Variants in CTNNA3 observed in about 807,000 individuals in gnomAD.
CTNNA3 encodes the protein catenin alpha 3, also known as catenin alpha-3.
CTNNA3 carries 76 observed loss-of-function variants against 95.7 expected under a neutral mutation model. The observed-to-expected ratio is 0.79, with a 90% CI of 0.66 to 0.96. CTNNA3 has a LOEUF of 0.96. Ranked by LOEUF, CTNNA3 falls within the 40% of genes least tolerant of loss-of-function variation. The pLI is 0.00. For missense variants in CTNNA3, 1,191 were observed against 1,089.8 expected (o/e 1.09, Z -1.31); for synonymous variants, 431 against 374.4 (o/e 1.15, Z -1.74).
chr10:67,187,706 C>A (rs1862921655), intron 6 of CTNNA3, among the ~76,000 whole-genome samples: 1 of 152,078 alleles, frequency 6.6e-6, no homozygotes, highest in Non-Finnish European at 1.5e-5. Flanking sequence ...CCAACTCAGC[C>A]TCCGCAGTAA....
intron 13 of CTNNA3, among the ~76,000 whole-genome samples, chr10:66,186,697 TTG>T (rs1342868268): frequency 7.6e-4 from 115 of 152,282 alleles, no homozygotes; most frequent in South Asian, 5.6e-3. Flanking sequence ...TTCAGGACAT[TTG>T]TTATTAACTA....
At chr10:67,592,346 C>T (rs1322536642) in intron 3 of CTNNA3, among the ~76,000 whole-genome samples, 1 of 152,090 alleles carries the variant, frequency 6.6e-6, no homozygotes, top group Non-Finnish European at 1.5e-5. Context: ...ATAGCTGTAA[C>T]ATTCCTCCTC....
intron 13 of CTNNA3, among the ~76,000 whole-genome samples, chr10:66,210,518 G>T (rs1035609102): frequency 8.6e-5 from 13 of 152,010 alleles, no homozygotes; most frequent in African/African-American, 2.4e-4. Context: ...TTATAGCAAG[G>T]CTTATTTCAT....
chr10:67,206,346 C>T (rs1863901140), intron 6 of CTNNA3, among the ~76,000 whole-genome samples: 1 of 152,060 alleles, frequency 6.6e-6, no homozygotes, highest in African/African-American at 2.4e-5. Flanking sequence ...ATATCACATT[C>T]TGGTTTAATG....
chr10:67,322,685 C>T (rs1841376515), intron 5 of CTNNA3, among the ~76,000 whole-genome samples: 1 of 152,190 alleles, frequency 6.6e-6, no homozygotes, highest in Non-Finnish European at 1.5e-5. Context: ...AATTAGCACA[C>T]AAGTGCATGC....
chr10:66,500,272 A>AAT lies in CTNNA3; in HGVS notation c.1531+20343_1531+20344dup, dbSNP rs751344616. ...TATTTAGTGAAATAGTGATAGTATA[A>AAT]ATATATATCATGCTTTAATAAAGTA... On this transcript the variant is annotated intron_variant, in intron 11 of 17. Transcript: ENST00000433211. Among the ~76,000 whole-genome samples the AAT allele has an allele frequency of 1.6e-4, 24 of 152,266 alleles. No homozygotes were observed. In the East Asian group the frequency reaches 4.2e-3, roughly 27 times the overall value.
intron 6 of CTNNA3, among the ~76,000 whole-genome samples, chr10:67,217,897 G>C (rs1452233139): frequency 6.7e-6 from 1 of 149,508 alleles, no homozygotes; most frequent in Non-Finnish European, 1.5e-5. Context: ...GATGGCACTA[G>C]GGAAAAATTC....
chr10:67,662,964 A>T (rs1245756075), intron 1 of CTNNA3, among the ~76,000 whole-genome samples: 1 of 152,206 alleles, frequency 6.6e-6, no homozygotes, highest in Non-Finnish European at 1.5e-5. Flanking sequence ...ATATAATTAC[A>T]AGTTTCCACT....
At chr10:66,457,023 C>T (rs538067963) in intron 11 of CTNNA3, among the ~76,000 whole-genome samples, 70 of 151,828 alleles carry the variant, frequency 4.6e-4, no homozygotes, top group African/African-American at 1.6e-3. Context: ...GAGCCCAAGA[C>T]GTCGTGTCTG....
intron 9 of CTNNA3, among the ~76,000 whole-genome samples, chr10:66,652,344 G>C (rs892678560): frequency 6.6e-6 from 1 of 151,982 alleles, no homozygotes; most frequent in Non-Finnish European, 1.5e-5. Context: ...ATGCAAAAGA[G>C]TATAAGACAC....
At chr10:66,089,565 G>A (rs1487947301) in intron 14 of CTNNA3, among the ~76,000 whole-genome samples, 1 of 151,250 alleles carries the variant, frequency 6.6e-6, no homozygotes, top group Non-Finnish European at 1.5e-5. Context: ...TTAATTCACT[G>A]CACAATATGA....
At chr10:65,967,958 A>G (rs2078011006) in intron 16 of CTNNA3, among the ~76,000 whole-genome samples, 1 of 152,224 alleles carries the variant, frequency 6.6e-6, no homozygotes, top group Non-Finnish European at 1.5e-5. Flanking sequence ...CTAAATAAGA[A>G]TGAATATCAA....
rs1841230796 is a variant in CTNNA3 at position 67,726,689 on chromosome 10, G to GATA, written c.-2+36744_-2+36745insTAT. Among the ~76,000 whole-genome samples, 13 of 1,164 alleles carry GATA rather than the reference G, an allele frequency of 0.011. No individual in the cohort carries two copies. In the South Asian group the frequency reaches 0.15, roughly 13 times the overall value. 0.8% of individuals were successfully genotyped at this position (1,164 alleles called of 152,430 possible). A position where few individuals can be genotyped will look rare whatever the true frequency, so the allele number is the denominator to read the frequency against. The stretch of plus-strand genomic sequence containing the variant: ...TTATATTAATTATATAATATATGAT[G>GATA]TATTATATATAATATATATCATATA... On this transcript the variant is annotated intron_variant, in intron 1 of 17. Coordinates refer to the CTNNA3 transcript ENST00000684154.
intron 5 of CTNNA3, among the ~76,000 whole-genome samples, chr10:67,327,288 A>G (rs987682164): frequency 2.6e-5 from 4 of 152,190 alleles, no homozygotes; most frequent in Admixed American, 6.5e-5. Flanking sequence ...CATTTGGAGC[A>G]AAGAAGGTAC....
At chr10:66,264,436 A>G (rs2091096158) in intron 13 of CTNNA3, among the ~76,000 whole-genome samples, 1 of 152,098 alleles carries the variant, frequency 6.6e-6, no homozygotes, top group East Asian at 1.9e-4. Flanking sequence ...TGCAAGCAAC[A>G]TATGTAATTT....
At chr10:66,250,276 G>T (rs185849777) in intron 13 of CTNNA3, among the ~76,000 whole-genome samples, 9 of 152,262 alleles carry the variant, frequency 5.9e-5, no homozygotes, top group Admixed American at 5.9e-4. Context: ...GCTGGGAAGG[G>T]TAGTTGGGGA....
At chr10:66,142,542 C>A (rs2083672696) in intron 13 of CTNNA3, among the ~76,000 whole-genome samples, 1 of 151,972 alleles carries the variant, frequency 6.6e-6, no homozygotes, top group Non-Finnish European at 1.5e-5. Context: ...AAATAACTTT[C>A]TGAGATTTTG....
chr10:67,448,958 C>T (rs1846861525), intron 5 of CTNNA3, among the ~76,000 whole-genome samples: 1 of 151,412 alleles, frequency 6.6e-6, no homozygotes, highest in Middle Eastern at 3.5e-3. Context: ...CCAAAAGGTC[C>T]TTCAGCTGAT....
At position 66,988,999 on chromosome 10, in the gene CTNNA3, TA is replaced by T. The variant is rs112498182; in HGVS notation, c.1047+191317del. ...TTGGTCCTCGATGTTTCCTCTCACT[TA>T]AAAAAAAAAAATCCCTTTTCTACCT... On this transcript the variant is annotated intron_variant, in intron 7 of 17. Coordinates refer to ENST00000433211, the MANE Select transcript of CTNNA3 (RefSeq NM_013266.4). Among the ~76,000 whole-genome samples, 785 of 145,394 alleles carry T rather than the reference TA, an allele frequency of 5.4e-3. 8 individuals carry two copies. Among genetic ancestry groups the T allele is most frequent in the African/African-American group, 0.015 (605 of 40,106 alleles).
Sources: allele counts gnomAD v4.1 joint callset (sites outside exome capture counted in the v4.1 genomes callset), GRCh38; gene constraint gnomAD v4.1.1; transcripts MANE v1.5; gene names NCBI Gene and HGNC (gene_info 2026-07-23, HGNC 2026-07-21).